The following FARP1 variants were observed in gnomAD, a reference collection of about 807,000 sequenced individuals.
FARP1 encodes the protein FERM, ARH/RhoGEF and pleckstrin domain protein 1.
FARP1 carries 52 observed loss-of-function variants against 128.8 expected under a neutral mutation model. That is an observed-to-expected ratio of 0.40 (90% CI 0.32 to 0.51). The LOEUF (loss-of-function observed/expected upper bound fraction) is 0.51, where lower values mean the gene tolerates loss of function less well. Among genes scored for constraint, FARP1 ranks in the 20% least tolerant of loss-of-function variants. The probability of loss-of-function intolerance (pLI) is 0.45; values close to 1 mark genes in which losing one functional copy is unlikely to be tolerated. For missense variants in FARP1, 1,333 were observed against 1,367.9 expected, an observed-to-expected ratio of 0.97 and a Z score of 0.40; for synonymous variants, 580 against 551.8, an observed-to-expected ratio of 1.05 and a Z score of -0.72.
rs145128706 is a variant in FARP1 at position 98,444,585 on chromosome 13, CAG to C, written c.2797-1512_2797-1511del. ...GCTGGAGGCCAGGATGGACCCGACA[CAG>C]GGGAGCGGGAGGCTCGGCCCGGCCG... On this transcript the variant is annotated intron_variant, in intron 24 of 26. Transcript: ENST00000319562. Among the ~76,000 whole-genome samples the C allele has an allele frequency of 2.3e-3, 351 of 152,292 alleles. 2 individuals are homozygous for C. The highest frequency in any genetic ancestry group is 3.1e-3 in the African/African-American group (127 of 41,562).
chr13:98,231,973 A>G (rs1375896576), intron 2 of FARP1, among the ~76,000 whole-genome samples: 2 of 151,556 alleles, frequency 1.3e-5, no homozygotes, highest in Admixed American at 1.3e-4. Context: ...GATTACAGGT[A>G]CTCGTCACCA....
rs761529542 is a variant in FARP1 at position 98,176,571 on chromosome 13, G to A, written c.-24+33079G>A. ...CAAGCTCCCGTTCAATCTCCCACCCGAGCTTGTAATCGGAACGGTCGTGGA... is the reference window on the plus strand; with the variant it reads ...CAAGCTCCCGTTCAATCTCCCACCCAAGCTTGTAATCGGAACGGTCGTGGA... On this transcript the variant is annotated intron_variant, in intron 1 of 26. Transcript: ENST00000319562. The surrounding 1 kb of genome is among the most constrained non-coding windows in gnomAD (Gnocchi z 6.2). 3 of 1,614,056 alleles carry A rather than the reference G, an allele frequency of 1.9e-6. No homozygotes were observed. The highest frequency in any genetic ancestry group is 2.7e-5 in the African/African-American group (2 of 74,928).
intron 1 of FARP1, among the ~76,000 whole-genome samples, chr13:98,173,610 A>G (rs1594228762): frequency 6.6e-6 from 1 of 152,258 alleles, no homozygotes; most frequent in Non-Finnish European, 1.5e-5. Flanking sequence ...TGGTTTTGCC[A>G]GATTTTTCTC....
chr13:98,340,715 A>G (rs1476857412), intron 2 of FARP1: 2 of 152,272 alleles, frequency 1.3e-5, no homozygotes, highest in Admixed American at 1.3e-4. Context: ...GTTGCTGTGC[A>G]TAAGTTAACC....
At chr13:98,299,701 T>C (rs1356979174) in intron 2 of FARP1, among the ~76,000 whole-genome samples, 1 of 152,204 alleles carries the variant, frequency 6.6e-6, no homozygotes, top group Non-Finnish European at 1.5e-5. Flanking sequence ...GAAGATGTAA[T>C]TCTTTAATCA....
At chr13:98,437,434 C>G (rs1892315735) in intron 19 of FARP1, among the ~76,000 whole-genome samples, 1 of 152,158 alleles carries the variant, frequency 6.6e-6, no homozygotes, top group South Asian at 2.1e-4. Flanking sequence ...GAAAGGCAGG[C>G]TTATTCGAGA....
intron 1 of FARP1, among the ~76,000 whole-genome samples, chr13:98,183,135 ATTC>A (rs1416011853): frequency 6.6e-6 from 1 of 152,156 alleles, no homozygotes; most frequent in Non-Finnish European, 1.5e-5. Context: ...TCTAGCATCT[ATTC>A]TTATTATCAT....
intron 2 of FARP1, among the ~76,000 whole-genome samples, chr13:98,260,317 G>A (rs1883815986): frequency 6.6e-6 from 1 of 152,158 alleles, no homozygotes; most frequent in Admixed American, 6.5e-5. Flanking sequence ...ATTTCAAGGT[G>A]TTACTAATCA....
rs866083407 is a variant in FARP1, at chr13:98,370,037, C to A, written c.398+1842C>A. On this transcript the variant is annotated intron_variant, in intron 5 of 26. Transcript: ENST00000319562. ...AATACTCTCATGGAAACAGACAAAG[C>A]GATTAAATAAACAAGATAATATCAG... 3.3e-5 allele frequency among the ~76,000 whole-genome samples: 5 copies of A among 152,154 alleles called. No homozygotes were observed. In the South Asian group the frequency reaches 1.0e-3, roughly 32 times the overall value.
At chr13:98,268,778 T>TTGTGTGTGTGTGTGTGTGTGTG (rs59132299) in intron 2 of FARP1, among the ~76,000 whole-genome samples, 3 of 148,182 alleles carry the variant, frequency 2.0e-5, no homozygotes, top group African/African-American at 7.5e-5. Flanking sequence ...TTTCCCTTCT[T>TTGTGTGTGTGTGTGTGTGTGTG]TGTGTGTGTG....
chr13:98,441,959 C>T (rs1324576498), intron 24 of FARP1, among the ~76,000 whole-genome samples: 1 of 75,736 alleles, frequency 1.3e-5, no homozygotes, highest in Non-Finnish European at 4.4e-5. Flanking sequence ...TTCTTCAGTC[C>T]AGGCCCATAG....
chr13:98,304,949 GC>G (rs1886076604), intron 2 of FARP1, among the ~76,000 whole-genome samples: 1 of 152,102 alleles, frequency 6.6e-6, no homozygotes, highest in Non-Finnish European at 1.5e-5. Flanking sequence ...GAATCTTTCA[GC>G]CTCATCTGTC....
At chr13:98,392,323 C>CAAAAAAAAAAAAAAAAAAAA (rs11289484) in intron 11 of FARP1, among the ~76,000 whole-genome samples, 2 of 60,420 alleles carry the variant, frequency 3.3e-5, no homozygotes, top group African/African-American at 6.6e-5. Flanking sequence ...CATCTCTACC[C>CAAAAAAAAAAAAAAAAAAAA]AAAAAAAAAA....
chr13:98,410,312 C>T (rs941386955), intron 14 of FARP1, among the ~76,000 whole-genome samples: 8 of 152,262 alleles, frequency 5.3e-5, no homozygotes, highest in African/African-American at 1.9e-4. Flanking sequence ...TTAGACCCAG[C>T]TACCATGTGT....
chr13:98,437,821 C>T lies in FARP1; in HGVS notation c.2275-983C>T. ...CACTTAGGACAAGCCAGGCGCATCCCATGTGCTCCAGAGAGGAGGCCATTG... is the reference window on the plus strand; with the variant it reads ...CACTTAGGACAAGCCAGGCGCATCCTATGTGCTCCAGAGAGGAGGCCATTG... On this transcript the variant is annotated intron_variant, in intron 19 of 26. Transcript: ENST00000319562. 2.5e-6 allele frequency: 4 copies of T among 1,597,472 alleles called. 1 individual carries two copies. The South Asian group carries it at 4.4e-5, about 18-fold the overall frequency.
chr13:98,155,300 G>A, intron 1 of FARP1, among the ~76,000 whole-genome samples: 2 of 138,610 alleles, frequency 1.4e-5, no homozygotes, highest in Non-Finnish European at 3.0e-5. Context: ...AGCTGAGATC[G>A]CACCATCGTA....
chr13:98,299,745 C>T (rs1410688791), intron 2 of FARP1, among the ~76,000 whole-genome samples: 3 of 152,176 alleles, frequency 2.0e-5, no homozygotes, highest in Non-Finnish European at 4.4e-5. Flanking sequence ...TAAACAGTAA[C>T]AAAAAGCTGT....
intron 2 of FARP1, among the ~76,000 whole-genome samples, chr13:98,266,234 T>C (rs1571526): frequency 0.42 from 63,647 of 151,920 alleles, 14,132 homozygotes; most frequent in African/African-American, 0.56. Context: ...CAGCGATTTG[T>C]ACATTATTTC....
At chr13:98,321,918 A>C (rs781604057) in intron 2 of FARP1, among the ~76,000 whole-genome samples, 8 of 152,228 alleles carry the variant, frequency 5.3e-5, no homozygotes, top group Non-Finnish European at 1.2e-4. Flanking sequence ...GCAGTTATCA[A>C]CCTTCCCTGC....
Sources: gnomAD v4.1 joint callset for allele counts (sites outside exome capture counted in the v4.1 genomes callset) on GRCh38, gnomAD v4.1.1 for gene constraint, Gnocchi (gnomAD v3.1) non-coding constraint, MANE v1.5 for transcripts, NCBI Gene and HGNC (gene_info 2026-07-23, HGNC 2026-07-21) for gene names.